AKTIP: variants seen among roughly 807,000 people sequenced by gnomAD.
The protein encoded by AKTIP is AKT interacting protein, also known as AKT-interacting protein.
A neutral mutation model predicts 39.1 loss-of-function variants in AKTIP; 16 were observed. The ratio of observed to expected loss-of-function variants is 0.41; its 90% confidence interval spans 0.28 to 0.62. The LOEUF (loss-of-function observed/expected upper bound fraction) is 0.62. Among genes scored for constraint, AKTIP ranks in the 20% least tolerant of loss-of-function variants. AKTIP has a pLI of 0.32. For missense variants in AKTIP, 262 were observed against 356.6 expected (o/e 0.73, Z 2.14); for synonymous variants, 93 against 124.3 (o/e 0.75, Z 1.67).
intron 3 of AKTIP, 95 bp downstream of exon 3, chr16:53,498,296 A>G (rs1222489936): frequency 1.6e-6 from 2 of 1,285,776 alleles, no homozygotes; most frequent in African/African-American, 1.5e-5. Flanking sequence ...TTTGAGATTA[A>G]ATGTCTGCCC....
rs531480131 is a variant in AKTIP, at chr16:53,498,268, A to G, written c.248+123T>C. 24 of 999,174 alleles carry G rather than the reference A, an allele frequency of 2.4e-5. No individual in the cohort carries two copies. The South Asian group carries it at 3.6e-4, about 15-fold the overall frequency. The allele number at this position is 999,174 out of a possible 1,614,324, so 61.9% of individuals were successfully genotyped here. On this transcript the variant is annotated intron_variant, in intron 3 of 9. Transcript: ENST00000394657. ...TTATATTTATTAAGTCTGATACTGG[A>G]AAGGGACAGGTTTGAGCTTTGAGAT...
chr16:53,501,818 T>C (rs564660232), intron 1 of AKTIP: 11 of 152,350 alleles, frequency 7.2e-5, no homozygotes, highest in African/African-American at 2.2e-4. Flanking sequence ...GCTCTTCTAC[T>C]AGCATGGATA....
In AKTIP at chr16:53,500,310, G is replaced by A. The variant is rs1288306182; in HGVS notation, c.-51C>T. ...CAGTGGTGTATCATCCAAATCTTCTGTCTTCGGCATTCACTTTACCTTAAA... is the reference window on the plus strand; with the variant it reads ...CAGTGGTGTATCATCCAAATCTTCTATCTTCGGCATTCACTTTACCTTAAA... On this transcript the variant is annotated 5_prime_UTR_variant, in exon 2 of 10. Transcript: ENST00000394657. 2.5e-6 allele frequency: 4 copies of A among 1,599,532 alleles called. No individual in the cohort carries two copies. Among genetic ancestry groups the A allele is most frequent in the Non-Finnish European group, 3.4e-6 (4 of 1,175,638 alleles).
At chr16:53,493,079 C>CT (rs1194189955) in intron 8 of AKTIP, 20 of 250,830 alleles carry the variant, frequency 8.0e-5, no homozygotes, top group Non-Finnish European at 1.2e-4. Context: ...ACTCCAAGCT[C>CT]TTTTTTTTGA....
chr16:53,495,926 G>A (rs1002821320), intron 3 of AKTIP, among the ~76,000 whole-genome samples: 3 of 152,180 alleles, frequency 2.0e-5, no homozygotes, highest in Non-Finnish European at 4.4e-5. Flanking sequence ...GCTCTCACAC[G>A]CCCTGCTCTC....
Position 53,498,615 on chromosome 16 carries a change from T to C in AKTIP, c.43-19A>G, listed in dbSNP as rs767686595. 3.1e-6 allele frequency: 5 copies of C among 1,608,266 alleles called. No homozygotes were observed. In the African/African-American group the frequency reaches 6.7e-5, roughly 21 times the overall value. On this transcript the variant is annotated intron_variant, in intron 2 of 9. Coordinates refer to ENST00000394657, the MANE Select transcript of AKTIP (RefSeq NM_022476.4). ...CAGATCGCTATACAAGATGAAGTTG[T>C]AAGAATATCTGTTAGGATGATTCTT...
At chr16:53,501,801 G>T (rs1165619575) in intron 1 of AKTIP, 2 of 152,256 alleles carry the variant, frequency 1.3e-5, no homozygotes, top group African/African-American at 4.8e-5. Flanking sequence ...GAGGAATGAA[G>T]ATCCTGGCTC....
Position 53,500,103 on chromosome 16 carries a change from T to C in AKTIP, c.42+115A>G, listed in dbSNP as rs981700340. The C allele has an allele frequency of 5.6e-6, 4 of 714,048 alleles. No homozygotes were observed. The African/African-American group carries it at 7.3e-5, about 13-fold the overall frequency. The allele number at this position is 714,048 out of a possible 1,614,324, so 44.2% of individuals were successfully genotyped here. On this transcript the variant is annotated intron_variant, in intron 2 of 9. Transcript: ENST00000394657. ...TAAACCCTTAACTAGAAAAACCAGG[T>C]AATTTTGTCAAGATTACAGGTGACC...
Position 53,494,540 on chromosome 16 carries a change from C to T in AKTIP, c.480G>A (p.Val160=). 2 of 1,614,192 alleles carry T rather than the reference C, an allele frequency of 1.2e-6. No homozygotes were observed. Among genetic ancestry groups the T allele is most frequent in the African/African-American group, 1.3e-5 (1 of 75,054 alleles). Residue 160 remains valine (V), a synonymous_variant, in exon 6 of 10, where the codon GTG becomes GTA. Transcript: ENST00000394657. ...LVDPTSGELD[V]KRAFAKWRRN... is the part of the protein sequence containing the mutation. ...ACCTCCATTTTGCAAATGCTCTCTT[C>T]ACATCCAGCTCACCTGAGGTGGGAT... is the stretch of plus-strand genomic sequence containing the variant.
At chr16:53,501,493 C>T (rs1962166155) in intron 1 of AKTIP, 1 of 152,202 alleles carries the variant, frequency 6.6e-6, no homozygotes, top group Non-Finnish European at 1.5e-5. Flanking sequence ...ACTTCCCTGC[C>T]CTGGTATTTC....
intron 2 of AKTIP, among the ~76,000 whole-genome samples, chr16:53,499,258 T>C (rs1285503197): frequency 6.6e-6 from 1 of 152,238 alleles, no homozygotes; most frequent in Non-Finnish European, 1.5e-5. Context: ...ATTAGCTATA[T>C]AAAAACATGT....
In AKTIP at chr16:53,492,402, T is replaced by C; in HGVS notation, c.*10A>G. 6.2e-7 allele frequency: 1 copy of C among 1,606,660 alleles called. No individual in the cohort carries two copies. Reference sequence around the variant, plus strand: ...CAGGAAAGTGCATGGTGCACCAGATTCACCATCTCTTAAGTCGCCACTGTT... The same window carrying C: ...CAGGAAAGTGCATGGTGCACCAGATCCACCATCTCTTAAGTCGCCACTGTT... On this transcript the variant is annotated 3_prime_UTR_variant, in exon 10 of 10. Transcript: ENST00000394657.
intron 8 of AKTIP, 123 bp from the exon 9 acceptor site, chr16:53,492,876 G>A (rs919505448): frequency 2.1e-5 from 16 of 778,570 alleles, no homozygotes; most frequent in South Asian, 3.3e-5. Context: ...TATTGTTGTC[G>A]ACATGTATGT....
At chr16:53,496,282 T>C (rs1263734936) in intron 3 of AKTIP, among the ~76,000 whole-genome samples, 1 of 152,166 alleles carries the variant, frequency 6.6e-6, no homozygotes, top group African/African-American at 2.4e-5. Context: ...ACAGTGAAGT[T>C]TGCCAGAAAA....
chr16:53,502,547 T>G lies in AKTIP; in HGVS notation c.-71+600A>C, dbSNP rs560981742. Among the ~76,000 whole-genome samples, 3 of 152,156 alleles carry G rather than the reference T, an allele frequency of 2.0e-5. No individual in the cohort carries two copies. The South Asian group carries it at 6.2e-4, about 32-fold the overall frequency. ...CGAATCGGACTTAAGAAATTACACG[T>G]TAAGAGGAGACAGAGCAGGGGCCAG... is the stretch of plus-strand genomic sequence containing the variant. On this transcript the variant is annotated intron_variant, in intron 1 of 9. Coordinates refer to ENST00000394657, the MANE Select transcript of AKTIP (RefSeq NM_022476.4).
chr16:53,492,814 C>T, intron 8 of AKTIP, 61 bp from the exon 9 acceptor site: 2 of 1,508,694 alleles, frequency 1.3e-6, no homozygotes, highest in African/African-American at 1.4e-5. Context: ...CTATAACATT[C>T]ATTTTGCAGT....
rs560617828 is a variant in AKTIP at position 53,496,893 on chromosome 16, A to G, written c.248+1498T>C. Among the ~76,000 whole-genome samples the G allele has an allele frequency of 3.3e-5, 5 of 152,282 alleles. No individual in the cohort carries two copies. In the South Asian group the frequency reaches 1.0e-3, roughly 32 times the overall value. On this transcript the variant is annotated intron_variant, in intron 3 of 9. Coordinates refer to ENST00000394657, the MANE Select transcript of AKTIP (RefSeq NM_022476.4). ...ACTATATGGCCTACACTTGTCTCAC[A>G]TTGCAGAGCTCAAATGATCCTCCCA...
At chr16:53,503,818 C>G (rs937804726), upstream of AKTIP, among the ~76,000 whole-genome samples, 1 of 152,230 alleles carries the variant, frequency 6.6e-6, no homozygotes, top group Non-Finnish European at 1.5e-5. Flanking sequence ...GGCGTGGCAT[C>G]AAGAAACGCC....
intron 1 of AKTIP, chr16:53,502,556 G>A (rs1049754228): frequency 6.6e-6 from 1 of 152,216 alleles, no homozygotes; most frequent in East Asian, 1.9e-4. Flanking sequence ...GTTAAGAGGA[G>A]ACAGAGCAGG....
Sources: gnomAD v4.1 joint callset for allele counts (sites outside exome capture counted in the v4.1 genomes callset) on GRCh38, gnomAD v4.1.1 for gene constraint, MANE v1.5 for transcripts, NCBI Gene and HGNC (gene_info 2026-07-23, HGNC 2026-07-21) for gene names.